The following STXBP4 variants were observed in gnomAD, a reference collection of about 807,000 sequenced individuals.
The protein encoded by STXBP4 is syntaxin-binding protein 4.
STXBP4 carries 55 observed loss-of-function variants against 76.1 expected under a neutral mutation model. The observed-to-expected ratio is 0.72, with a 90% CI of 0.58 to 0.91. The LOEUF is 0.91. Among genes scored for constraint, STXBP4 ranks in the 40% least tolerant of loss-of-function variants. The pLI is 0.00. For missense variants in STXBP4, 618 were observed against 636.9 expected (o/e 0.97, Z 0.32); for synonymous variants, 201 against 220.2 (o/e 0.91, Z 0.77).
At chr17:55,207,673 C>T in the STXBP4 span, among the ~76,000 whole-genome samples, 22 of 152,290 alleles carry the variant, frequency 1.4e-4, 1 homozygote, top group South Asian at 3.9e-3. Context: ...CTTTAGAATA[C>T]GGGGACCCTT....
intron 7 of STXBP4, among the ~76,000 whole-genome samples, chr17:55,004,181 T>C (rs1299591775): frequency 2.1e-5 from 3 of 145,972 alleles, no homozygotes. Flanking sequence ...AGATGCCATC[T>C]CAAAAAAAAA....
In STXBP4 at chr17:54,998,455, A is replaced by G. The variant is rs113697236; in HGVS notation, c.181-890A>G. ...AGAAAAGACAAAAACTGGGAAACTT[A>G]TCTAACATATCTAACAACCACATTA... On this transcript the variant is annotated intron_variant, in intron 4 of 17. Transcript: ENST00000376352. 9.3e-3 allele frequency among the ~76,000 whole-genome samples: 1,422 copies of G among 152,354 alleles called. 13 individuals are homozygous for G. Among genetic ancestry groups the G allele is most frequent in the Non-Finnish European group, 0.016 (1,065 of 68,024 alleles).
downstream of STXBP4, among the ~76,000 whole-genome samples, chr17:55,175,205 TG>T (rs763797467): frequency 4.5e-4 from 68 of 152,094 alleles, no homozygotes; most frequent in Non-Finnish European, 7.4e-4. Flanking sequence ...TTCCTAAGCA[TG>T]GGGAGAGACC....
At chr17:55,145,633 A>G (rs2080144105) in intron 17 of STXBP4, among the ~76,000 whole-genome samples, 1 of 152,208 alleles carries the variant, frequency 6.6e-6, no homozygotes, top group Non-Finnish European at 1.5e-5. Context: ...CAAGAGAAGA[A>G]AGCATTTTAC....
intron 4 of STXBP4, among the ~76,000 whole-genome samples, chr17:54,997,364 A>G (rs774920087): frequency 4.6e-5 from 7 of 151,962 alleles, no homozygotes; most frequent in Non-Finnish European, 8.8e-5. Flanking sequence ...CCTTCCTGCC[A>G]GAAAATGCAG....
intron 16 of STXBP4, among the ~76,000 whole-genome samples, chr17:55,111,511 A>C (rs567854148): frequency 6.6e-6 from 1 of 152,104 alleles, no homozygotes; most frequent in Non-Finnish European, 1.5e-5. Flanking sequence ...ATGAGAGTGG[A>C]TTCCTCCTGA....
At chr17:55,190,073 G>A in the STXBP4 span, among the ~76,000 whole-genome samples, 1 of 152,190 alleles carries the variant, frequency 6.6e-6, no homozygotes, top group African/African-American at 2.4e-5. Context: ...TTTCCAAGTG[G>A]GGAAATTTTA....
At chr17:55,094,397 A>G (rs1396157701) in intron 16 of STXBP4, among the ~76,000 whole-genome samples, 5 of 152,192 alleles carry the variant, frequency 3.3e-5, no homozygotes. Flanking sequence ...CTCTAAGAGT[A>G]GCAAGAGTGA....
At chr17:55,016,377 T>A (rs1277537899) in intron 8 of STXBP4, among the ~76,000 whole-genome samples, 3 of 152,168 alleles carry the variant, frequency 2.0e-5, no homozygotes, top group Non-Finnish European at 2.9e-5. Flanking sequence ...TGGGCTGGGT[T>A]CCTGAGTATT....
At chr17:55,142,204 C>A (rs1411156147) in intron 17 of STXBP4, among the ~76,000 whole-genome samples, 1 of 152,144 alleles carries the variant, frequency 6.6e-6, no homozygotes, top group Non-Finnish European at 1.5e-5. Context: ...TAGTTTTGCC[C>A]TGGACAGAGC....
At chr17:55,107,223 G>T (rs2079646475) in intron 16 of STXBP4, among the ~76,000 whole-genome samples, 2 of 151,768 alleles carry the variant, frequency 1.3e-5, no homozygotes, top group Non-Finnish European at 2.9e-5. Flanking sequence ...CCGCTTTATC[G>T]ATTTGGCTAT....
At chr17:55,189,177 A>G in the STXBP4 span, among the ~76,000 whole-genome samples, 52 of 148,678 alleles carry the variant, frequency 3.5e-4, no homozygotes, top group African/African-American at 1.2e-3. Flanking sequence ...GGCAAAAAAA[A>G]TGCTGAAAGG....
downstream of STXBP4, among the ~76,000 whole-genome samples, chr17:55,173,805 G>C (rs1039389088): frequency 7.9e-5 from 12 of 152,208 alleles, no homozygotes; most frequent in Non-Finnish European, 1.8e-4. Context: ...AGGTCAGAAA[G>C]GTCTTAATGG....
intron 4 of STXBP4, among the ~76,000 whole-genome samples, chr17:54,996,886 A>G (rs1482241968): frequency 1.3e-5 from 2 of 152,236 alleles, no homozygotes; most frequent in African/African-American, 4.8e-5. Flanking sequence ...CAATATAGAA[A>G]TGAATAGTAC....
intron 12 of STXBP4, among the ~76,000 whole-genome samples, chr17:55,050,705 C>A (rs1048068511): frequency 6.6e-6 from 1 of 152,076 alleles, no homozygotes; most frequent in Non-Finnish European, 1.5e-5. Flanking sequence ...AAGTCTTGTT[C>A]CATCCAGGCT....
chr17:55,196,123 A>T, the STXBP4 span, among the ~76,000 whole-genome samples: 4 of 152,196 alleles, frequency 2.6e-5, no homozygotes, highest in African/African-American at 9.6e-5. Context: ...CCCCCTCAAT[A>T]TGGGTTGGCT....
intron 16 of STXBP4, among the ~76,000 whole-genome samples, chr17:55,116,299 A>G (rs2079779656): frequency 1.3e-5 from 2 of 151,786 alleles, no homozygotes; most frequent in South Asian, 2.1e-4. Flanking sequence ...TCTGTATACC[A>G]TTAGTGCCTA....
chr17:54,976,471 A>G (rs1360618621), intron 1 of STXBP4, among the ~76,000 whole-genome samples: 1 of 152,222 alleles, frequency 6.6e-6, no homozygotes, highest in Non-Finnish European at 1.5e-5. Context: ...CCCAGATACT[A>G]TCAAGAAACT....
chr17:55,178,275 C>A (rs7225223), downstream of STXBP4, among the ~76,000 whole-genome samples: 3,437 of 152,316 alleles, frequency 0.023, 131 homozygotes, highest in African/African-American at 0.078. Context: ...CTCATTTAAT[C>A]CTGACGGTTC....
Sources: allele counts gnomAD v4.1 joint callset (sites outside exome capture counted in the v4.1 genomes callset), GRCh38; gene constraint gnomAD v4.1.1; transcripts MANE v1.5; gene names NCBI Gene and HGNC (gene_info 2026-07-23, HGNC 2026-07-21).